Variants in DHX15 observed in about 807,000 individuals in gnomAD.
DHX15 encodes the protein DEAH-box helicase 15, also known as ATP-dependent RNA helicase DHX15.
In DHX15, 11 loss-of-function variants were observed where a neutral mutation model predicts 94.4. The ratio of observed to expected loss-of-function variants is 0.12; its 90% CI spans 0.07 to 0.19. The LOEUF is 0.19. Ranked by LOEUF, DHX15 falls within the 10% of genes least tolerant of loss-of-function variation. The probability of loss-of-function intolerance (pLI) is 1.00; values close to 1 mark genes in which losing one functional copy is unlikely to be tolerated. For missense variants in DHX15, 304 were observed against 988.5 expected (o/e 0.31, Z 9.29); for synonymous variants, 338 against 329.9 (o/e 1.02, Z -0.27).
At position 24,537,256 on chromosome 4, in the gene DHX15, AG is replaced by A; in HGVS notation, c.1787-84del. 13 of 1,580,988 alleles carry A rather than the reference AG, an allele frequency of 8.2e-6. No homozygotes were observed. Among genetic ancestry groups the A allele is most frequent in the Non-Finnish European group, 1.0e-5 (12 of 1,161,040 alleles). ...ACAGATAGAGGAACAAGGCCTAGCTAGGTCAGTTCACAGAGCATAGGGCAGG... is the reference window on the plus strand; with the variant it reads ...ACAGATAGAGGAACAAGGCCTAGCTAGTCAGTTCACAGAGCATAGGGCAGG... On this transcript the variant is annotated intron_variant, in intron 10 of 13. Coordinates refer to ENST00000336812, the MANE Select transcript of DHX15 (RefSeq NM_001358.3). This position sits in a 1 kb window ranked among gnomAD's most constrained non-coding sequence, Gnocchi z 4.7.
chr4:24,551,823 A>G (rs1721612541), intron 5 of DHX15, among the ~76,000 whole-genome samples: 1 of 152,232 alleles, frequency 6.6e-6, no homozygotes, highest in Non-Finnish European at 1.5e-5. Context: ...CAGAAATCAC[A>G]AAATATCCAG....
In DHX15 at chr4:24,576,658, C is replaced by G; in HGVS notation, c.92G>C (p.Arg31Pro). 1 of 1,612,742 alleles carries G rather than the reference C, an allele frequency of 6.2e-7. No homozygotes were observed. The highest frequency in any genetic ancestry group is 8.5e-7 in the Non-Finnish European group (1 of 1,178,904). Residue 31 changes from arginine (R) to proline (P), a missense_variant, in exon 2 of 14, where the codon CGG becomes CCG. This residue lies in a region of DHX15 where 143 missense variants were observed against 200.5 expected (regional missense o/e 0.71). Transcript: ENST00000336812. ...ATCTTTAGACCGATCTTCACGATCC[C>G]GGTCTCGATCTCGATCCTTCCTAAA... is the stretch of plus-strand genomic sequence containing the variant. ...GTDGKDRDRDRDREDRSKDRD... is the reference protein window; with the variant it reads ...GTDGKDRDRDPDREDRSKDRD...
chr4:24,581,009 G>A (rs1318385962), intron 1 of DHX15: 1 of 151,638 alleles, frequency 6.6e-6, no homozygotes, highest in African/African-American at 2.4e-5. Flanking sequence ...GGAGTACTAT[G>A]GCAGTCAATC....
At chr4:24,530,799 A>G (rs1166547078) in intron 12 of DHX15, 1 of 152,204 alleles carries the variant, frequency 6.6e-6, no homozygotes, top group Non-Finnish European at 1.5e-5. Context: ...TTCTGTGCTT[A>G]AAGAATGAGC....
At chr4:24,528,135 T>C (rs1256362466) in intron 13 of DHX15, 94 bp from the exon 14 acceptor site, 3 of 762,662 alleles carry the variant, frequency 3.9e-6, no homozygotes, top group South Asian at 1.8e-5. Context: ...AATATACTGA[T>C]GAACCAAGGC....
At chr4:24,528,143 G>A in intron 13 of DHX15, 102 bp from the exon 14 acceptor site, 3 of 699,922 alleles carry the variant, frequency 4.3e-6, no homozygotes, top group Non-Finnish European at 7.3e-6. Flanking sequence ...GATGAACCAA[G>A]GCAAATCTAT....
intron 6 of DHX15, among the ~76,000 whole-genome samples, chr4:24,548,299 C>G (rs1034456132): frequency 1.3e-5 from 2 of 152,008 alleles, no homozygotes; most frequent in African/African-American, 2.4e-5. Context: ...CGCGCTACCA[C>G]GCCCGGCTAA....
chr4:24,580,683 T>C (rs1722390558), intron 1 of DHX15: 1 of 152,064 alleles, frequency 6.6e-6, no homozygotes, highest in Non-Finnish European at 1.5e-5. Flanking sequence ...CAGTGTATTT[T>C]TGTATTTTTA....
intron 3 of DHX15, among the ~76,000 whole-genome samples, chr4:24,565,969 G>A (rs990716376): frequency 6.6e-6 from 1 of 151,978 alleles, no homozygotes. Flanking sequence ...GGCAGAGCTA[G>A]GACAACTCAG....
At chr4:24,581,428 G>A (rs1425949674) in intron 1 of DHX15, among the ~76,000 whole-genome samples, 3 of 152,174 alleles carry the variant, frequency 2.0e-5, no homozygotes, top group African/African-American at 4.8e-5. Flanking sequence ...TGATCCCACT[G>A]ATATTAAATT....
chr4:24,575,692 G>A (rs1722243128), intron 2 of DHX15, among the ~76,000 whole-genome samples: 2 of 152,072 alleles, frequency 1.3e-5, no homozygotes, highest in African/African-American at 4.8e-5. Flanking sequence ...ACAACCATGG[G>A]AAACAGTCTA....
intron 2 of DHX15, among the ~76,000 whole-genome samples, chr4:24,572,995 C>G (rs1456842747): frequency 1.3e-5 from 2 of 152,174 alleles, no homozygotes; most frequent in African/African-American, 2.4e-5. Flanking sequence ...ACTGCAACCT[C>G]CACCTCCAGG....
intron 2 of DHX15, among the ~76,000 whole-genome samples, chr4:24,572,558 C>T (rs1420597950): frequency 6.6e-6 from 1 of 152,022 alleles, no homozygotes; most frequent in East Asian, 1.9e-4. Context: ...TGAAAATGAC[C>T]GAGGATGCCA....
intron 12 of DHX15, chr4:24,530,166 C>A: frequency 3.9e-6 from 1 of 258,830 alleles, no homozygotes; most frequent in East Asian, 1.3e-4. Flanking sequence ...GTAGTTTTGA[C>A]AAGGACTTCA....
At chr4:24,582,189 G>C (rs1299829145) in intron 1 of DHX15, among the ~76,000 whole-genome samples, 1 of 152,088 alleles carries the variant, frequency 6.6e-6, no homozygotes, top group African/African-American at 2.4e-5. Context: ...ACCAGTTCAA[G>C]GATAAATGGC....
At chr4:24,530,352 C>G (rs564345232) in intron 12 of DHX15, 1 of 153,954 alleles carries the variant, frequency 6.5e-6, no homozygotes, top group Admixed American at 6.5e-5. Flanking sequence ...CTGAGACAGG[C>G]AGATCACCTG....
chr4:24,540,777 A>G, intron 9 of DHX15, 63 bp downstream of exon 9: 8 of 921,474 alleles, frequency 8.7e-6, no homozygotes. Context: ...TAGGATGGAG[A>G]AAAACACTAA....
At position 24,543,052 on chromosome 4, in the gene DHX15, T is replaced by C. The variant is rs201977832; in HGVS notation, c.1249-26A>G. 59 of 1,486,386 alleles carry C rather than the reference T, an allele frequency of 4.0e-5. No individual in the cohort carries two copies. The African/African-American group carries it at 7.4e-4, about 19-fold the overall frequency. The allele number at this position is 1,486,386 out of a possible 1,614,324, so 92.1% of individuals were successfully genotyped here. A position where few individuals can be genotyped will look rare whatever the true frequency, so the allele number is the denominator to read the frequency against. On this transcript the variant is annotated intron_variant, in intron 6 of 13. Coordinates refer to ENST00000336812, the MANE Select transcript of DHX15 (RefSeq NM_001358.3). ...CTGTTAAGAAATAGAGTATATAAATTATATTACATATCAAATAAAATTAAC... is the reference window on the plus strand; with the variant it reads ...CTGTTAAGAAATAGAGTATATAAATCATATTACATATCAAATAAAATTAAC...
chr4:24,578,159 CAGAA>C (rs1185488773), intron 1 of DHX15, among the ~76,000 whole-genome samples: 1 of 152,088 alleles, frequency 6.6e-6, no homozygotes, highest in Non-Finnish European at 1.5e-5. Context: ...CTGGCATAAA[CAGAA>C]AGAAAATCAA....
Sources: gnomAD v4.1 joint callset for allele counts (sites outside exome capture counted in the v4.1 genomes callset) on GRCh38, gnomAD v4.1.1 for gene constraint, gnomAD v4.1.1 regional missense constraint, Gnocchi (gnomAD v3.1) non-coding constraint, MANE v1.5 for transcripts, NCBI Gene and HGNC (gene_info 2026-07-23, HGNC 2026-07-21) for gene names.